The following EMP2 variants were observed in gnomAD, a reference collection of about 807,000 sequenced individuals.
EMP2 encodes epithelial membrane protein 2.
A neutral mutation model predicts 13.7 loss-of-function variants in EMP2; 19 were observed. That is an observed-to-expected ratio of 1.38 (90% confidence interval 0.97 to 2.03). The LOEUF is 2.03. Ranked by LOEUF, EMP2 falls within the 30% of genes most tolerant of loss-of-function variation. The pLI, the probability that EMP2 is intolerant of heterozygous loss-of-function variation, is 0.00. For synonymous variants in EMP2, 97 were observed against 84.7 expected (o/e 1.15, Z -0.80); for missense variants, 253 against 220.7 (o/e 1.15, Z -0.93).
Position 10,537,970 on chromosome 16 carries a change from C to T in EMP2, c.274G>A (p.Gly92Arg). ...FVLQLFRLKQGERFVLTSIIQ... is the reference protein window; with the variant it reads ...FVLQLFRLKQRERFVLTSIIQ... Reference sequence around the variant, plus strand: ...ATGGAGGTTAGGACAAACCTCTCTCCCTGCTTCAGGCGGAAGAGCTGGAGC... The same window carrying T: ...ATGGAGGTTAGGACAAACCTCTCTCTCTGCTTCAGGCGGAAGAGCTGGAGC... Residue 92 changes from glycine to arginine, a missense_variant, in exon 4 of 5, where the codon GGA becomes AGA. Transcript: ENST00000359543. The T allele has an allele frequency of 6.2e-7, 1 of 1,614,090 alleles. No individual in the cohort carries two copies. The highest frequency in any genetic ancestry group is 8.5e-7 in the Non-Finnish European group (1 of 1,180,016).
At chr16:10,563,175 C>A (rs1244464012) in intron 1 of EMP2, among the ~76,000 whole-genome samples, 1 of 144,786 alleles carries the variant, frequency 6.9e-6, no homozygotes. Flanking sequence ...GGTTTAACAG[C>A]ATTTCCTCTT....
At chr16:10,578,712 G>T (rs932066627) in intron 1 of EMP2, among the ~76,000 whole-genome samples, 5 of 152,226 alleles carry the variant, frequency 3.3e-5, no homozygotes, top group Non-Finnish European at 5.9e-5. Context: ...CACTTGAGGG[G>T]CAGAGGAGGC....
Position 10,529,201 on chromosome 16 carries a change from T to G in EMP2, c.*3704A>C, listed in dbSNP as rs902435140. 1 of 152,202 alleles carries G rather than the reference T, an allele frequency of 6.6e-6. No individual in the cohort carries two copies. Among genetic ancestry groups the G allele is most frequent in the African/African-American group, 2.4e-5 (1 of 41,460 alleles). The allele number at this position is 152,202 out of a possible 1,614,324, so 9.4% of individuals were successfully genotyped here. A position where few individuals can be genotyped will look rare whatever the true frequency, so the allele number is the denominator to read the frequency against. On this transcript the variant is annotated 3_prime_UTR_variant, in exon 5 of 5. Coordinates refer to ENST00000359543, the MANE Select transcript of EMP2 (RefSeq NM_001424.6). ...ATGTCATAAAATGCGCAAACTACAG[T>G]TCCTTCAAATACAGTTGATGCTATC...
intron 1 of EMP2, among the ~76,000 whole-genome samples, chr16:10,563,786 G>A (rs1187523366): frequency 1.3e-5 from 2 of 152,224 alleles, no homozygotes; most frequent in African/African-American, 2.4e-5. Flanking sequence ...CTCTAAAGTG[G>A]GGATGACATT....
chr16:10,558,125 G>A (rs949691588), intron 1 of EMP2, among the ~76,000 whole-genome samples: 2 of 151,882 alleles, frequency 1.3e-5, no homozygotes, highest in African/African-American at 4.8e-5. Flanking sequence ...GAACTTTTGG[G>A]CTCAAGCGAT....
chr16:10,569,107 G>C (rs916675817), intron 1 of EMP2, among the ~76,000 whole-genome samples: 1 of 151,972 alleles, frequency 6.6e-6, no homozygotes, highest in Non-Finnish European at 1.5e-5. Context: ...ATTTTCTAAG[G>C]TATACTCTTG....
chr16:10,544,404 C>A lies in EMP2; in HGVS notation c.79-744G>T, dbSNP rs553214053. The A allele has an allele frequency of 2.0e-5, 3 of 152,460 alleles. No individual in the cohort carries two copies. In the East Asian group the frequency reaches 5.8e-4, roughly 29 times the overall value. 9.4% of individuals were successfully genotyped at this position (152,460 alleles called of 1,614,324 possible). A position where few individuals can be genotyped will look rare whatever the true frequency, so the allele number is the denominator to read the frequency against. On this transcript the variant is annotated intron_variant, in intron 2 of 4. Coordinates refer to ENST00000359543, the MANE Select transcript of EMP2 (RefSeq NM_001424.6). ...CCATGTTGGTCAGACTAGTCTCAAA[C>A]TTCTGACCTCAGGTGATCCACCTGC...
intron 1 of EMP2, among the ~76,000 whole-genome samples, chr16:10,562,785 C>T (rs2050881926): frequency 6.6e-6 from 1 of 152,182 alleles, no homozygotes; most frequent in Non-Finnish European, 1.5e-5. Context: ...CAAGGTTGCT[C>T]AGCAAATACT....
intron 1 of EMP2, among the ~76,000 whole-genome samples, chr16:10,565,227 C>A (rs998538380): frequency 2.0e-5 from 3 of 152,202 alleles, no homozygotes; most frequent in African/African-American, 4.8e-5. Flanking sequence ...CCAACGAAAG[C>A]ATCTCAGATA....
At chr16:10,556,676 A>G (rs2050829895) in intron 1 of EMP2, among the ~76,000 whole-genome samples, 1 of 152,218 alleles carries the variant, frequency 6.6e-6, no homozygotes, top group Non-Finnish European at 1.5e-5. Flanking sequence ...TACACAGCAC[A>G]TGCTGCACAG....
intron 1 of EMP2, among the ~76,000 whole-genome samples, chr16:10,571,502 CG>C (rs2050947236): frequency 6.6e-6 from 1 of 151,818 alleles, no homozygotes. Flanking sequence ...CCAGGAGATT[CG>C]GAAGGTCAGT....
At chr16:10,579,712 A>G (rs77433628) in intron 1 of EMP2, among the ~76,000 whole-genome samples, 7 of 44,236 alleles carry the variant, frequency 1.6e-4, no homozygotes, top group Non-Finnish European at 2.8e-4. Context: ...CAAGGTGCAC[A>G]CACACACACA....
chr16:10,562,143 C>T (rs894285590), intron 1 of EMP2, among the ~76,000 whole-genome samples: 6 of 152,114 alleles, frequency 3.9e-5, no homozygotes, highest in African/African-American at 1.2e-4. Flanking sequence ...ACCAATATCC[C>T]ACATGTGCAT....
At chr16:10,578,559 G>A (rs1019215658) in intron 1 of EMP2, among the ~76,000 whole-genome samples, 18 of 152,198 alleles carry the variant, frequency 1.2e-4, no homozygotes, top group African/African-American at 1.7e-4. Context: ...CCTCCAGCCC[G>A]AGGTGGGGCA....
chr16:10,538,745 G>A (rs1246925830), intron 3 of EMP2, among the ~76,000 whole-genome samples: 1 of 152,148 alleles, frequency 6.6e-6, no homozygotes, highest in Non-Finnish European at 1.5e-5. Flanking sequence ...AGAAAGCTAT[G>A]TGGCCATAGG....
chr16:10,556,575 G>A (rs2050829109), intron 1 of EMP2, among the ~76,000 whole-genome samples: 1 of 152,174 alleles, frequency 6.6e-6, no homozygotes, highest in Non-Finnish European at 1.5e-5. Flanking sequence ...AGATAAGTAG[G>A]CAATAAGGCA....
At chr16:10,549,729 TCACA>T (rs71402494) in intron 1 of EMP2, among the ~76,000 whole-genome samples, 85 of 149,666 alleles carry the variant, frequency 5.7e-4, no homozygotes, top group African/African-American at 2.0e-3. Context: ...ACACACACAC[TCACA>T]CACACACACA....
Position 10,531,046 on chromosome 16 carries a change from A to G in EMP2, c.*1859T>C, listed in dbSNP as rs1022939414. On this transcript the variant is annotated 3_prime_UTR_variant, in exon 5 of 5. Coordinates refer to ENST00000359543, the MANE Select transcript of EMP2 (RefSeq NM_001424.6). The stretch of plus-strand genomic sequence containing the variant: ...GGAGTGCAGTGGTGAATCTCGGCTC[A>G]CTGCGACCTCCGCCTCCCAGTTTCA... 6.6e-6 allele frequency: 1 copy of G among 152,176 alleles called. No individual in the cohort carries two copies. The highest frequency in any genetic ancestry group is 1.9e-4 in the East Asian group (1 of 5,198). 9.4% of individuals were successfully genotyped at this position (152,176 alleles called of 1,614,324 possible).
intron 4 of EMP2, among the ~76,000 whole-genome samples, chr16:10,536,498 G>A (rs2050648114): frequency 6.6e-6 from 1 of 152,124 alleles, no homozygotes; most frequent in Non-Finnish European, 1.5e-5. Context: ...GAGTTCCCCT[G>A]CACACGCTCT....
Sources: gnomAD v4.1 joint callset for allele counts (sites outside exome capture counted in the v4.1 genomes callset) on GRCh38, gnomAD v4.1.1 for gene constraint, MANE v1.5 for transcripts, NCBI Gene and HGNC (gene_info 2026-07-23, HGNC 2026-07-21) for gene names.